RPLP1: variants seen among roughly 807,000 people sequenced by gnomAD.
RPLP1 encodes large ribosomal subunit protein P1.
In RPLP1, 4 loss-of-function variants were observed where a neutral mutation model predicts 11.6. The observed-to-expected ratio is 0.34, with a 90% CI of 0.17 to 0.79. RPLP1 has a LOEUF of 0.79. Among genes scored for constraint, RPLP1 ranks in the 30% least tolerant of loss-of-function variants. The pLI, the probability that RPLP1 is intolerant of heterozygous loss-of-function variation, is 0.55. For synonymous variants in RPLP1, 54 were observed against 52.2 expected, an observed-to-expected ratio of 1.03 and a Z score of -0.15; for missense variants, 133 against 142.8, an observed-to-expected ratio of 0.93 and a Z score of 0.35.
At position 69,455,540 on chromosome 15, in the gene RPLP1, A is replaced by G. The variant is rs761416059; in HGVS notation, c.*33A>G. The G allele has an allele frequency of 1.1e-5, 16 of 1,480,892 alleles. No individual in the cohort carries two copies. In the South Asian group the frequency reaches 1.8e-4, roughly 16 times the overall value. 91.7% of individuals were successfully genotyped at this position (1,480,892 alleles called of 1,614,324 possible). ...TTATAACATGTTCAATAAAAAGCTG[A>G]ACTTTACTGCTGTTGGTCTTGTCCA... On this transcript the variant is annotated 3_prime_UTR_variant, in exon 4 of 4. Transcript: ENST00000260379.
intron 1 of RPLP1, 124 bp downstream of exon 1, chr15:69,453,144 G>A: frequency 1.1e-6 from 1 of 883,498 alleles, no homozygotes; most frequent in Non-Finnish European, 1.8e-6. Flanking sequence ...CGCGAACACA[G>A]GCCGCATAGG....
intron 2 of RPLP1, 35 bp downstream of exon 2, chr15:69,453,756 C>A: frequency 6.2e-7 from 1 of 1,611,250 alleles, no homozygotes; most frequent in Non-Finnish European, 8.5e-7. Context: ...TGTGGTAAGG[C>A]CTGCTGATTT....
At position 69,455,665 on chromosome 15, in the gene RPLP1, C is replaced by T. The variant is rs547455572; in HGVS notation, c.*158C>T. On this transcript the variant is annotated 3_prime_UTR_variant, in exon 4 of 4. Transcript: ENST00000260379. Reference sequence around the variant, plus strand: ...GCTGGATTTTCCCTGCCACCATTGCCGGATGTGAGATTTAGACAATCCTGA... The same window carrying T: ...GCTGGATTTTCCCTGCCACCATTGCTGGATGTGAGATTTAGACAATCCTGA... 17 of 616,154 alleles carry T rather than the reference C, an allele frequency of 2.8e-5. No homozygotes were observed. The highest frequency in any genetic ancestry group is 1.1e-4 in the African/African-American group (6 of 54,036). 38.2% of individuals were successfully genotyped at this position (616,154 alleles called of 1,614,324 possible).
Position 69,455,255 on chromosome 15 carries a change from G to A in RPLP1, c.233G>A (p.Gly78Glu), listed in dbSNP as rs780602328. The change falls in exon 3 of 4, where the codon GGA (glycine) becomes GAA (glutamate). Residue 78 changes from glycine (G) to glutamate (E), a missense_variant. Coordinates refer to ENST00000260379, the MANE Select transcript of RPLP1 (RefSeq NM_001003.3). ...PAPAAGAAPAGGPAPSTAAAP... is the reference protein window; with the variant it reads ...PAPAAGAAPAEGPAPSTAAAP... ...CCAGCAGCTGGTGCTGCACCAGCAG[G>A]AGGTCCTGCCCCCTCCACTGCTGCT... is the stretch of plus-strand genomic sequence containing the variant. 2 of 1,598,118 alleles carry A rather than the reference G, an allele frequency of 1.3e-6. No individual in the cohort carries two copies.
Position 69,452,846 on chromosome 15 carries a change from T to C in RPLP1, c.-103T>C, listed in dbSNP as rs1372930130. 9.1e-6 allele frequency: 10 copies of C among 1,097,868 alleles called. No homozygotes were observed. The highest frequency in any genetic ancestry group is 1.3e-5 in the South Asian group (1 of 74,690). 68.0% of individuals were successfully genotyped at this position (1,097,868 alleles called of 1,614,324 possible). A position where few individuals can be genotyped will look rare whatever the true frequency, so the allele number is the denominator to read the frequency against. On this transcript the variant is annotated 5_prime_UTR_variant, in exon 1 of 4. Coordinates refer to ENST00000260379, the MANE Select transcript of RPLP1 (RefSeq NM_001003.3). ...CTTTCCTCAGCTGCCGCCAAGGTGC[T>C]CGGTCCTTCCGAGGAAGCTAAGGCT...
intron 2 of RPLP1, 82 bp from the exon 3 acceptor site, chr15:69,455,088 G>A: frequency 1.3e-6 from 2 of 1,497,950 alleles, no homozygotes; most frequent in Non-Finnish European, 1.8e-6. Flanking sequence ...CCTGGAATGG[G>A]GGATACTTTT....
intron 2 of RPLP1, 161 bp downstream of exon 2, chr15:69,453,882 C>T (rs1450745860): frequency 1.5e-6 from 1 of 657,974 alleles, no homozygotes; most frequent in South Asian, 1.9e-5. Context: ...AATAAGATTT[C>T]AGCTTGTCAA....
rs1319884381 is a variant in RPLP1 at position 69,455,853 on chromosome 15, A to G, written c.*346A>G. On this transcript the variant is annotated 3_prime_UTR_variant, in exon 4 of 4. Transcript: ENST00000260379. ...GGAGGGTAATACAGACCAGCTTTAG[A>G]AAGCCTCCTGGGTATTTACCCTATA... The G allele has an allele frequency of 1.4e-5, 3 of 209,296 alleles. No individual in the cohort carries two copies. The highest frequency in any genetic ancestry group is 5.2e-5 in the Admixed American group (1 of 19,342). 13.0% of individuals were successfully genotyped at this position (209,296 alleles called of 1,614,324 possible).
In RPLP1 at chr15:69,455,199, C is replaced by T. The variant is rs765168718; in HGVS notation, c.177C>T (p.Leu59=). The T allele has an allele frequency of 7.5e-6, 12 of 1,605,556 alleles. No homozygotes were observed. In the East Asian group the frequency reaches 8.9e-5, roughly 12 times the overall value. The change falls in exon 3 of 4, where the codon CTC becomes CTT. Residue 59 remains leucine (L), a synonymous_variant. Transcript: ENST00000260379. ...TGGCCAACGTCAACATTGGGAGCCTCATCTGCAATGTAGGGGCCGGTGGAC... is the reference window on the plus strand; with the variant it reads ...TGGCCAACGTCAACATTGGGAGCCTTATCTGCAATGTAGGGGCCGGTGGAC... ...KALANVNIGS[L]ICNVGAGGPA... is the part of the protein sequence containing the mutation.
At chr15:69,453,813 GC>G (rs1228879454) in intron 2 of RPLP1, 92 bp downstream of exon 2, 1 of 1,243,848 alleles carries the variant, frequency 8.0e-7, no homozygotes, top group Non-Finnish European at 1.2e-6. Context: ...GTGCCATAAC[GC>G]CCCACATGCC....
rs1421752283 is a variant in RPLP1, at chr15:69,455,504, C to T, written c.342C>T (p.Asp114=). 6.9e-6 allele frequency: 11 copies of T among 1,600,632 alleles called. No individual in the cohort carries two copies. Among genetic ancestry groups the T allele is most frequent in the Non-Finnish European group, 9.4e-6 (11 of 1,175,646 alleles). Reference sequence around the variant, plus strand: ...ATGACATGGGCTTTGGTCTTTTTGACTAAACCTCTTTTATAACATGTTCAA... The same window carrying T: ...ATGACATGGGCTTTGGTCTTTTTGATTAAACCTCTTTTATAACATGTTCAA... ...SDDDMGFGLF[D] is the part of the protein sequence containing the mutation. Residue 114 remains aspartate, a synonymous_variant, in exon 4 of 4, where the codon GAC becomes GAT. Transcript: ENST00000260379.
intron 2 of RPLP1, chr15:69,454,062 G>A: frequency 3.7e-6 from 1 of 271,798 alleles, no homozygotes; most frequent in Non-Finnish European, 7.1e-6. Flanking sequence ...TTCTTGAGAC[G>A]GAGTCACCCA....
In RPLP1 at chr15:69,452,928, A is replaced by G. The variant is rs11554444; in HGVS notation, c.-21A>G. The G allele has an allele frequency of 1.9e-6, 3 of 1,565,574 alleles. No homozygotes were observed. The Admixed American group carries it at 5.5e-5, about 29-fold the overall frequency. On this transcript the variant is annotated 5_prime_UTR_variant, in exon 1 of 4. Transcript: ENST00000260379. ...GACTAGCACCGCGTCCGGCAGCGCC[A>G]GCCCTACACTCGCCCGCGCCATGGC...
At chr15:69,453,080 A>C (rs1412716037) in intron 1 of RPLP1, 60 bp downstream of exon 1, 2 of 1,449,074 alleles carry the variant, frequency 1.4e-6, no homozygotes, top group East Asian at 4.9e-5. Context: ...TCGGCTCTCC[A>C]TGCGGTTCCC....
chr15:69,455,140 C>A, intron 2 of RPLP1, 30 bp from the exon 3 acceptor site: 1 of 1,533,442 alleles, frequency 6.5e-7, no homozygotes, highest in Non-Finnish European at 8.7e-7. Flanking sequence ...CAGAACTGGG[C>A]GTTTACCTAT....
chr15:69,453,581 CG>C, intron 1 of RPLP1, 65 bp from the exon 2 acceptor site: 1 of 1,497,546 alleles, frequency 6.7e-7, no homozygotes, highest in African/African-American at 1.4e-5. Flanking sequence ...TATTGAGTGA[CG>C]TGCAGCATTT....
At position 69,456,200 on chromosome 15, in the gene RPLP1, A is replaced by C. The variant is rs986722200; in HGVS notation, c.*693A>C. 1 of 152,226 alleles carries C rather than the reference A, an allele frequency of 6.6e-6. No homozygotes were observed. Among genetic ancestry groups the C allele is most frequent in the Non-Finnish European group, 1.5e-5 (1 of 68,050 alleles). 9.4% of individuals were successfully genotyped at this position (152,226 alleles called of 1,614,324 possible). ...ACCGTGGGTATTGTGTGTTCAGAGCAGCTAATGACATGCCAGGCACATGAA... is the reference window on the plus strand; with the variant it reads ...ACCGTGGGTATTGTGTGTTCAGAGCCGCTAATGACATGCCAGGCACATGAA... On this transcript the variant is annotated 3_prime_UTR_variant, in exon 4 of 4. Transcript: ENST00000260379.
Position 69,453,081 on chromosome 15 carries a change from T to G in RPLP1, c.72+61T>G, listed in dbSNP as rs1407878910. ...GTGGGCGGTGACTTTCGGCTCTCCA[T>G]GCGGTTCCCGGCTCCAGGCCGTTCG... On this transcript the variant is annotated intron_variant, in intron 1 of 3. Coordinates refer to ENST00000260379, the MANE Select transcript of RPLP1 (RefSeq NM_001003.3). The G allele has an allele frequency of 2.8e-6, 4 of 1,440,478 alleles. No homozygotes were observed. In the Admixed American group the frequency reaches 5.9e-5, roughly 21 times the overall value. 89.2% of individuals were successfully genotyped at this position (1,440,478 alleles called of 1,614,324 possible).
chr15:69,455,034 A>T lies in RPLP1; in HGVS notation c.148-136A>T, dbSNP rs141661751. On this transcript the variant is annotated intron_variant, in intron 2 of 3. Coordinates refer to ENST00000260379, the MANE Select transcript of RPLP1 (RefSeq NM_001003.3). ...TATTTTTCCACTGTTGAATCCATGG[A>T]TGTGGAACTCACTGTATATAGTGTT... is the stretch of plus-strand genomic sequence containing the variant. 441 of 1,257,730 alleles carry T rather than the reference A, an allele frequency of 3.5e-4. 2 individuals carry two copies. The East Asian group carries it at 0.01, about 29-fold the overall frequency. 77.9% of individuals were successfully genotyped at this position (1,257,730 alleles called of 1,614,324 possible). A position where few individuals can be genotyped will look rare whatever the true frequency, so the allele number is the denominator to read the frequency against.
Sources: allele counts gnomAD v4.1 joint callset, GRCh38; gene constraint gnomAD v4.1.1; transcripts MANE v1.5; gene names NCBI Gene and HGNC (gene_info 2026-07-23, HGNC 2026-07-21).